The following KCNK1 variants were observed in gnomAD, a reference collection of about 807,000 sequenced individuals.
The protein encoded by KCNK1 is potassium channel subfamily K member 1.
In KCNK1, 10 loss-of-function variants were observed where a neutral mutation model predicts 22.2. That is an observed-to-expected ratio of 0.45 (90% CI 0.28 to 0.76). The LOEUF is 0.76. Among genes scored for constraint, KCNK1 ranks in the 30% least tolerant of loss-of-function variants. KCNK1 has a pLI of 0.14. For missense variants in KCNK1, 378 were observed against 421.0 expected (o/e 0.90, Z 0.89); for synonymous variants, 200 against 186.4 (o/e 1.07, Z -0.60).
At chr1:233,621,092 G>T (rs1005621540) in intron 1 of KCNK1, among the ~76,000 whole-genome samples, 3 of 152,164 alleles carry the variant, frequency 2.0e-5, no homozygotes, top group Admixed American at 6.5e-5. Flanking sequence ...TAGCATCTGG[G>T]CATCAGACCT....
At chr1:233,632,329 A>G (rs532012116) in intron 1 of KCNK1, among the ~76,000 whole-genome samples, 3 of 152,290 alleles carry the variant, frequency 2.0e-5, no homozygotes, top group African/African-American at 4.8e-5. Flanking sequence ...TTTGAAGCTA[A>G]TAAGTTTTGA....
At chr1:233,616,313 C>T (rs1467528958) in intron 1 of KCNK1, among the ~76,000 whole-genome samples, 1 of 152,062 alleles carries the variant, frequency 6.6e-6, no homozygotes, top group Non-Finnish European at 1.5e-5. Flanking sequence ...AAAAGGTTTG[C>T]TTTTATCTGG....
intron 1 of KCNK1, among the ~76,000 whole-genome samples, chr1:233,654,578 A>C (rs1274704284): frequency 6.6e-6 from 1 of 152,190 alleles, no homozygotes; most frequent in Non-Finnish European, 1.5e-5. Context: ...AAAGAGAAGC[A>C]GCACTTAAAG....
intron 1 of KCNK1, among the ~76,000 whole-genome samples, chr1:233,663,952 C>T (rs1394802646): frequency 6.6e-6 from 1 of 152,066 alleles, no homozygotes; most frequent in Non-Finnish European, 1.5e-5. Flanking sequence ...CTGTCTCAGC[C>T]TCCCAAGTAG....
intron 1 of KCNK1, among the ~76,000 whole-genome samples, chr1:233,644,633 G>T (rs71638474): frequency 6.6e-6 from 1 of 151,906 alleles, no homozygotes; most frequent in African/African-American, 2.4e-5. Flanking sequence ...GTGAAGAGAA[G>T]GTGCCAGTCA....
chr1:233,637,683 A>G (rs188861179), intron 1 of KCNK1, among the ~76,000 whole-genome samples: 77 of 152,336 alleles, frequency 5.1e-4, no homozygotes, highest in African/African-American at 1.8e-3. Flanking sequence ...GCATCTGTGT[A>G]AAACCTACAG....
chr1:233,618,002 T>G (rs2102879884), intron 1 of KCNK1, among the ~76,000 whole-genome samples: 1 of 152,300 alleles, frequency 6.6e-6, no homozygotes, highest in African/African-American at 2.4e-5. Flanking sequence ...TAGCAAGGCC[T>G]ATTTGTTCAG....
intron 1 of KCNK1, among the ~76,000 whole-genome samples, chr1:233,662,467 A>G (rs763092074): frequency 9.2e-5 from 14 of 152,232 alleles, no homozygotes; most frequent in Non-Finnish European, 1.6e-4. Context: ...AAGAAGTTGC[A>G]TATCAGTGAC....
chr1:233,650,408 T>G (rs1312076162), intron 1 of KCNK1, among the ~76,000 whole-genome samples: 1 of 152,148 alleles, frequency 6.6e-6, no homozygotes, highest in African/African-American at 2.4e-5. Flanking sequence ...CTTAAAGGAC[T>G]TGGGGAATAT....
chr1:233,625,717 G>C (rs796526174), intron 1 of KCNK1, among the ~76,000 whole-genome samples: 1 of 152,126 alleles, frequency 6.6e-6, no homozygotes, highest in Non-Finnish European at 1.5e-5. Context: ...GTCCAGGATC[G>C]TAGTCTTCCA....
intron 1 of KCNK1, among the ~76,000 whole-genome samples, chr1:233,632,714 A>G (rs554349759): frequency 1.1e-4 from 17 of 152,184 alleles, no homozygotes; most frequent in African/African-American, 4.1e-4. Context: ...CACTGGTCTT[A>G]GAGGTCCTGG....
At chr1:233,626,567 G>A (rs1448706090) in intron 1 of KCNK1, among the ~76,000 whole-genome samples, 2 of 152,110 alleles carry the variant, frequency 1.3e-5, no homozygotes, top group Non-Finnish European at 2.9e-5. Context: ...AAGGCTTTTG[G>A]GGGTGATATC....
rs75520285 is a variant in KCNK1 at position 233,667,955 on chromosome 1, A to G, written c.751+965A>G. Among the ~76,000 whole-genome samples the G allele has an allele frequency of 7.9e-3, 1,200 of 152,308 alleles. 47 individuals are homozygous for G. In the East Asian group the frequency reaches 0.1, roughly 13 times the overall value. On this transcript the variant is annotated intron_variant, in intron 2 of 2. Transcript: ENST00000366621. ...TTCTTTTTAGAAGAAGTTCGCCTCT[A>G]TTAACTGTTTCCAGAATTTTGTGTG...
At chr1:233,646,607 T>C (rs6660631) in intron 1 of KCNK1, among the ~76,000 whole-genome samples, 36,777 of 150,762 alleles carry the variant, frequency 0.24, 4,571 homozygotes, top group Middle Eastern at 0.29. Flanking sequence ...GTGCAGGGAG[T>C]GAGAGCAGAT....
At position 233,669,340 on chromosome 1, in the gene KCNK1, A is replaced by C. The variant is rs537002099; in HGVS notation, c.752-1931A>C. ...TTCTTCAGTGTTTCATATAATACTA[A>C]ATCCTTGCATAACATTTTATCACTT... is the stretch of plus-strand genomic sequence containing the variant. On this transcript the variant is annotated intron_variant, in intron 2 of 2. Coordinates refer to ENST00000366621, the MANE Select transcript of KCNK1 (RefSeq NM_002245.4). Among the ~76,000 whole-genome samples the C allele has an allele frequency of 1.1e-4, 17 of 152,332 alleles. No individual in the cohort carries two copies. In the East Asian group the frequency reaches 2.5e-3, roughly 22 times the overall value.
rs188443141 is a variant in KCNK1, at chr1:233,614,321, C to G, written c.150C>G (p.Asp50Glu). 4.1e-5 allele frequency: 66 copies of G among 1,612,190 alleles called. No individual in the cohort carries two copies. Among genetic ancestry groups the G allele is most frequent in the Non-Finnish European group, 5.4e-5 (64 of 1,179,310 alleles). The change falls in exon 1 of 3, where the codon GAC becomes GAG. Residue 50 changes from aspartate to glutamate, a missense_variant. Asp to Glu is a conservative substitution (Grantham distance 45). Coordinates refer to ENST00000366621, the MANE Select transcript of KCNK1 (RefSeq NM_002245.4). Reference sequence around the variant, plus strand: ...CCTCGGTGGAGCTGCCCTATGAGGACCTGCTGCGCCAGGAGCTGCGCAAGC... The same window carrying G: ...CCTCGGTGGAGCTGCCCTATGAGGAGCTGCTGCGCCAGGAGCTGCGCAAGC... ...VFSSVELPYE[D>E]LLRQELRKLK...
chr1:233,664,880 T>C (rs1658462989), intron 1 of KCNK1, among the ~76,000 whole-genome samples: 1 of 151,184 alleles, frequency 6.6e-6, no homozygotes, highest in Admixed American at 6.7e-5. Context: ...TGGATTTTTC[T>C]CAGAATCCAA....
At chr1:233,640,241 G>T (rs770002131) in intron 1 of KCNK1, among the ~76,000 whole-genome samples, 2 of 152,108 alleles carry the variant, frequency 1.3e-5, no homozygotes, top group South Asian at 4.1e-4. Context: ...TCTAAAAGGC[G>T]TGGAAACATT....
rs373245923 is a variant in KCNK1 at position 233,668,066 on chromosome 1, A to G, written c.751+1076A>G. Among the ~76,000 whole-genome samples the G allele has an allele frequency of 4.6e-5, 7 of 152,362 alleles. No individual in the cohort carries two copies. The East Asian group carries it at 1.2e-3, about 25-fold the overall frequency. Reference sequence around the variant, plus strand: ...TTCATTTTAAATTCAATGTAATATCATAGAAAACTTAACCATCCATTTTCA... The same window carrying G: ...TTCATTTTAAATTCAATGTAATATCGTAGAAAACTTAACCATCCATTTTCA... On this transcript the variant is annotated intron_variant, in intron 2 of 2. Transcript: ENST00000366621.
Sources: gnomAD v4.1 joint callset for allele counts (sites outside exome capture counted in the v4.1 genomes callset) on GRCh38, gnomAD v4.1.1 for gene constraint, MANE v1.5 for transcripts, NCBI Gene and HGNC (gene_info 2026-07-23, HGNC 2026-07-21) for gene names.